MTUS2: variants seen among roughly 807,000 people sequenced by gnomAD.
MTUS2 encodes microtubule associated scaffold protein 2, also known as microtubule-associated tumor suppressor candidate 2.
A neutral mutation model predicts 114.1 loss-of-function variants in MTUS2; 40 were observed. That is an observed-to-expected ratio of 0.35 (90% CI 0.27 to 0.46). The LOEUF (loss-of-function observed/expected upper bound fraction) is 0.46. Ranked by LOEUF, MTUS2 falls within the 20% of genes least tolerant of loss-of-function variation. The pLI is 1.00. For synonymous variants in MTUS2, 688 were observed against 672.0 expected, an observed-to-expected ratio of 1.02 and a Z score of -0.37; for missense variants, 1,679 against 1,705.4, an observed-to-expected ratio of 0.98 and a Z score of 0.27.
At chr13:29,303,662 T>C (rs2139614994) in intron 6 of MTUS2, among the ~76,000 whole-genome samples, 2 of 152,230 alleles carry the variant, frequency 1.3e-5, no homozygotes, top group Middle Eastern at 6.8e-3. Flanking sequence ...CTATGACTGA[T>C]TGGGGTACCT....
At chr13:29,053,142 C>G (rs1206978808) in intron 4 of MTUS2, among the ~76,000 whole-genome samples, 1 of 152,090 alleles carries the variant, frequency 6.6e-6, no homozygotes, top group African/African-American at 2.4e-5. Context: ...GATAATGATA[C>G]TAATGTATCA....
At chr13:29,417,984 C>G (rs1400247337) in intron 8 of MTUS2, among the ~76,000 whole-genome samples, 1 of 152,148 alleles carries the variant, frequency 6.6e-6, no homozygotes, top group Non-Finnish European at 1.5e-5. Flanking sequence ...TGGGGGGTAA[C>G]TGGAACAAGG....
intron 6 of MTUS2, chr13:29,307,888 C>T: frequency 1.8e-6 from 1 of 558,766 alleles, no homozygotes; most frequent in Non-Finnish European, 3.2e-6. Flanking sequence ...CCCCCCTCCT[C>T]AGAGTTTCCA....
In MTUS2 at chr13:29,472,118, G is replaced by A. The variant is rs560590984; in HGVS notation, c.3185-8032G>A. On this transcript the variant is annotated intron_variant, in intron 9 of 15. Coordinates refer to ENST00000612955, the MANE Select transcript of MTUS2 (RefSeq NM_001033602.4). ...CGGCTCACTGTAACCTCTGCCTCCC[G>A]AGTTCAAGCGATTCTCCTGCCTCAG... 1.4e-4 allele frequency among the ~76,000 whole-genome samples: 22 copies of A among 152,218 alleles called. 1 individual carries two copies. The East Asian group carries it at 1.9e-3, about 13-fold the overall frequency.
chr13:29,332,882 G>A (rs774226884), intron 7 of MTUS2, among the ~76,000 whole-genome samples: 9 of 152,052 alleles, frequency 5.9e-5, no homozygotes, highest in Non-Finnish European at 1.0e-4. Flanking sequence ...TGATCTGCGC[G>A]TCTCGGCCTC....
At chr13:29,160,969 A>G (rs897821296) in intron 5 of MTUS2, among the ~76,000 whole-genome samples, 1 of 152,176 alleles carries the variant, frequency 6.6e-6, no homozygotes, top group African/African-American at 2.4e-5. Context: ...ACAAAATTAT[A>G]GAAACGGAGA....
chr13:29,503,175 C>T lies in MTUS2; in HGVS notation c.4079C>T (p.Ser1360Phe). The part of the protein sequence containing the change: ...VYRGSSSGPS[S>F]PARVSTTPR ...CGCGGCTCCTCCTCGGGGCCCTCCT[C>T]TCCGGCCAGAGTCAGCACAACACCC... Residue 1360 changes from serine (S) to phenylalanine (F), a missense_variant, in exon 16 of 16, where the codon TCT (serine) becomes TTT (phenylalanine). Transcript: ENST00000612955. The T allele has an allele frequency of 6.2e-7, 1 of 1,614,158 alleles. No individual in the cohort carries two copies. The highest frequency in any genetic ancestry group is 8.5e-7 in the Non-Finnish European group (1 of 1,180,040).
chr13:29,104,393 T>C (rs1490084848), intron 5 of MTUS2, among the ~76,000 whole-genome samples: 1 of 152,070 alleles, frequency 6.6e-6, no homozygotes, highest in Non-Finnish European at 1.5e-5. Context: ...GATATATGCA[T>C]GATTTGAATA....
intron 5 of MTUS2, among the ~76,000 whole-genome samples, chr13:29,141,385 C>A (rs1349564600): frequency 6.6e-6 from 1 of 152,126 alleles, no homozygotes; most frequent in Non-Finnish European, 1.5e-5. Context: ...TTGGAAATAT[C>A]CAGGCAGATA....
chr13:28,967,995 T>C (rs2138241276), intron 2 of MTUS2, among the ~76,000 whole-genome samples: 2 of 152,330 alleles, frequency 1.3e-5, no homozygotes, highest in Middle Eastern at 6.8e-3. Context: ...GTTTACACAA[T>C]TGAAACATGC....
chr13:29,231,206 A>G (rs7981300), intron 5 of MTUS2, among the ~76,000 whole-genome samples: 125,553 of 152,194 alleles, frequency 0.82, 51,831 homozygotes, highest in East Asian at 0.89. Flanking sequence ...GTTATTGAAT[A>G]TTATAATATA....
At chr13:29,262,581 A>G (rs1039025811) in intron 5 of MTUS2, among the ~76,000 whole-genome samples, 6 of 152,070 alleles carry the variant, frequency 3.9e-5, no homozygotes, top group African/African-American at 1.4e-4. Flanking sequence ...AAAAAAAAAA[A>G]AAAGTAAGTT....
At chr13:29,412,265 A>C (rs778466939) in intron 8 of MTUS2, among the ~76,000 whole-genome samples, 2 of 152,156 alleles carry the variant, frequency 1.3e-5, no homozygotes, top group Non-Finnish European at 2.9e-5. Flanking sequence ...AAAACACTTC[A>C]TTTCCTGTTT....
chr13:29,264,106 C>T (rs1336278406), intron 5 of MTUS2, among the ~76,000 whole-genome samples: 3 of 152,236 alleles, frequency 2.0e-5, no homozygotes, highest in Non-Finnish European at 4.4e-5. Flanking sequence ...ACTGAGTAAG[C>T]ATTCCCATTC....
intron 6 of MTUS2, among the ~76,000 whole-genome samples, chr13:29,286,354 A>T (rs1370091013): frequency 1.3e-5 from 2 of 152,254 alleles, no homozygotes. Flanking sequence ...TGGTGAGCAG[A>T]GTCTATGACA....
chr13:28,874,061 C>A (rs1877783548), intron 2 of MTUS2, among the ~76,000 whole-genome samples: 1 of 152,154 alleles, frequency 6.6e-6, no homozygotes, highest in African/African-American at 2.4e-5. Flanking sequence ...CTCTGTCGCC[C>A]AGGCTGGAGT....
intron 1 of MTUS2, among the ~76,000 whole-genome samples, chr13:28,833,985 C>T (rs935991684): frequency 6.6e-6 from 1 of 151,990 alleles, no homozygotes; most frequent in African/African-American, 2.4e-5. Flanking sequence ...AGGACTTGTA[C>T]ACTAAAAACT....
At position 29,232,320 on chromosome 13, in the gene MTUS2, ACACG is replaced by A. The variant is rs60659674; in HGVS notation, c.2645-49380_2645-49377del. ...CACGCGCGCGCGCACACACACACAC[ACACG>A]CACACATACACATATGGGCACACAC... On this transcript the variant is annotated intron_variant, in intron 5 of 15. Coordinates refer to ENST00000612955, the MANE Select transcript of MTUS2 (RefSeq NM_001033602.4). Among the ~76,000 whole-genome samples the A allele has an allele frequency of 7.3e-3, 737 of 101,220 alleles. 6 individuals carry two copies. Among genetic ancestry groups the A allele is most frequent in the East Asian group, 0.025 (56 of 2,268 alleles). The allele number at this position is 101,220 out of a possible 152,430, so 66.4% of individuals were successfully genotyped here. A position where few individuals can be genotyped will look rare whatever the true frequency, so the allele number is the denominator to read the frequency against.
chr13:28,847,841 C>T lies in MTUS2; in HGVS notation c.-243+7991C>T, dbSNP rs546156116. On this transcript the variant is annotated intron_variant, in intron 2 of 15. Transcript: ENST00000612955. ...ATGCTGGATGGACCTCACATAGATG[C>T]AGCCTCTGGGCGCCAACGTTATGCA... Among the ~76,000 whole-genome samples, 3 of 152,252 alleles carry T rather than the reference C, an allele frequency of 2.0e-5. No homozygotes were observed. The South Asian group carries it at 6.2e-4, about 32-fold the overall frequency.
Sources: gnomAD v4.1 joint callset for allele counts (sites outside exome capture counted in the v4.1 genomes callset) on GRCh38, gnomAD v4.1.1 for gene constraint, MANE v1.5 for transcripts, NCBI Gene and HGNC (gene_info 2026-07-23, HGNC 2026-07-21) for gene names.